The following ZC4H2 variants were observed in gnomAD, a reference collection of about 807,000 sequenced individuals.
ZC4H2 encodes the protein zinc finger C4H2-type containing, also known as zinc finger C4H2 domain-containing protein.
For synonymous variants in ZC4H2, 84 were observed against 66.3 expected (o/e 1.27, Z -1.30); for missense variants, 137 against 173.9 (o/e 0.79, Z 1.19).
In ZC4H2 at chrX:65,001,958, TA is replaced by T. The variant is rs760303328; in HGVS notation, c.-272+32670del. Among the ~76,000 whole-genome samples the T allele has an allele frequency of 2.6e-3, 288 of 111,554 alleles. 6 individuals carry two copies. In the Admixed American group the frequency reaches 0.026, roughly 10 times the overall value. On this transcript the variant is annotated intron_variant, in intron 1 of 4. Transcript: ENST00000337990. ...TTCATAAAGCAAGTTCTTAGAGACG[TA>T]AAAAGAGACTTAGACTCCCACACAA...
At chrX:64,951,874 C>G (rs1930858575) in intron 1 of ZC4H2, among the ~76,000 whole-genome samples, 1 of 111,241 alleles carries the variant, frequency 9.0e-6, no homozygotes, top group Non-Finnish European at 1.9e-5. Flanking sequence ...AAGTCCTTGC[C>G]AATTCGTATG....
intron 1 of ZC4H2, among the ~76,000 whole-genome samples, chrX:65,020,775 A>G (rs749703462): frequency 1.8e-5 from 2 of 111,994 alleles, no homozygotes; most frequent in South Asian, 7.5e-4. Context: ...GAAGTGCTGT[A>G]CTCAGGAGCC....
intron 1 of ZC4H2, among the ~76,000 whole-genome samples, chrX:65,001,959 A>G (rs1252409637): frequency 1.8e-5 from 2 of 111,298 alleles, no homozygotes; most frequent in Non-Finnish European, 3.8e-5. Context: ...TTAGAGACGT[A>G]AAAAGAGACT....
intron 1 of ZC4H2, among the ~76,000 whole-genome samples, chrX:65,032,167 C>T (rs1932940597): frequency 9.0e-6 from 1 of 111,646 alleles, no homozygotes; most frequent in South Asian, 3.8e-4. Context: ...AGTTTAAGTA[C>T]AGCAGTGGCA....
At chrX:64,919,745 C>T (rs961816888) in intron 3 of ZC4H2, 6 of 197,288 alleles carry the variant, frequency 3.0e-5, no homozygotes, top group Non-Finnish European at 4.7e-5. Context: ...GCCTTCTAGA[C>T]CCTGACTTGG....
chrX:64,935,116 CGACTGG>C (rs1377807218), intron 1 of ZC4H2, among the ~76,000 whole-genome samples: 1 of 111,447 alleles, frequency 9.0e-6, no homozygotes, highest in Non-Finnish European at 1.9e-5. Context: ...AGTCTGATAC[CGACTGG>C]GACACTCGAG....
chrX:65,025,377 T>A (rs1454504056), intron 1 of ZC4H2, among the ~76,000 whole-genome samples: 3 of 110,474 alleles, frequency 2.7e-5, no homozygotes, highest in East Asian at 5.7e-4. Context: ...TCTTTACTAG[T>A]TCTGTGCTGC....
intron 1 of ZC4H2, among the ~76,000 whole-genome samples, chrX:64,925,163 C>T (rs1391919487): frequency 1.8e-5 from 2 of 111,829 alleles, no homozygotes; most frequent in Non-Finnish European, 1.9e-5. Flanking sequence ...ATCTCCTTCA[C>T]CAGAGTGGTT....
chrX:64,919,277 G>A, intron 3 of ZC4H2, 73 bp from the exon 4 acceptor site: 2 of 1,124,333 alleles, frequency 1.8e-6, no homozygotes, highest in Middle Eastern at 2.4e-4. Flanking sequence ...AAGACTCCAT[G>A]CCATACAACC....
intron 1 of ZC4H2, among the ~76,000 whole-genome samples, chrX:65,029,443 C>T (rs1183633943): frequency 1.8e-5 from 2 of 111,445 alleles, no homozygotes; most frequent in Non-Finnish European, 3.8e-5. Context: ...CTTTTGAGAC[C>T]TCTGGGTGAG....
At chrX:64,953,959 A>T (rs1235216178) in intron 1 of ZC4H2, among the ~76,000 whole-genome samples, 1 of 110,977 alleles carries the variant, frequency 9.0e-6, no homozygotes, top group Non-Finnish European at 1.9e-5. Flanking sequence ...AAAATGTGGC[A>T]TATATACACC....
intron 1 of ZC4H2, among the ~76,000 whole-genome samples, chrX:64,957,128 G>A (rs1477913210): frequency 8.9e-6 from 1 of 112,520 alleles, no homozygotes; most frequent in East Asian, 2.8e-4. Context: ...CAATAGCTGA[G>A]TCTTGGCCAG....
chrX:65,017,385 C>A (rs1229858102), intron 1 of ZC4H2, among the ~76,000 whole-genome samples: 1 of 112,526 alleles, frequency 8.9e-6, no homozygotes, highest in Non-Finnish European at 1.9e-5. Flanking sequence ...TCAATGAGTA[C>A]TGCATGGTAG....
At chrX:65,007,469 G>A (rs1392994611) in intron 1 of ZC4H2, among the ~76,000 whole-genome samples, 1 of 112,372 alleles carries the variant, frequency 8.9e-6, no homozygotes, top group South Asian at 3.6e-4. Context: ...CTTGCCCTGG[G>A]CAGGCACAGT....
intron 1 of ZC4H2, among the ~76,000 whole-genome samples, chrX:64,983,679 T>A (rs1043765190): frequency 1.8e-5 from 2 of 112,283 alleles, no homozygotes; most frequent in African/African-American, 6.5e-5. Context: ...ATAGTGTATG[T>A]TAGCACATAA....
intron 1 of ZC4H2, among the ~76,000 whole-genome samples, chrX:65,031,312 A>C (rs1488297253): frequency 2.7e-5 from 3 of 111,496 alleles, no homozygotes; most frequent in African/African-American, 9.8e-5. Context: ...GCACTTTCAA[A>C]TTTTCTGGGC....
intron 1 of ZC4H2, among the ~76,000 whole-genome samples, chrX:64,975,215 T>G (rs1047444076): frequency 9.1e-5 from 10 of 109,994 alleles, no homozygotes; most frequent in Non-Finnish European, 1.9e-4. Context: ...TCAAAGGGCC[T>G]GGCACACAGG....
At chrX:64,990,746 C>T (rs1932293855) in intron 1 of ZC4H2, among the ~76,000 whole-genome samples, 1 of 111,441 alleles carries the variant, frequency 9.0e-6, no homozygotes. Flanking sequence ...ACCCAGCCCT[C>T]AGTGAATTAA....
chrX:64,981,077 G>GT (rs751551190), upstream of ZC4H2, among the ~76,000 whole-genome samples: 2 of 108,824 alleles, frequency 1.8e-5, no homozygotes, highest in Non-Finnish European at 3.8e-5. Flanking sequence ...CGAATAGCCG[G>GT]TGCAATGGTC....
Sources: allele counts gnomAD v4.1 joint callset (sites outside exome capture counted in the v4.1 genomes callset), GRCh38; gene constraint gnomAD v4.1.1; transcripts MANE v1.5; gene names NCBI Gene and HGNC (gene_info 2026-07-23, HGNC 2026-07-21).